The following MT1F variants were observed in gnomAD, a reference collection of about 807,000 sequenced individuals.
The protein encoded by MT1F is metallothionein 1F, also known as metallothionein-1F.
A neutral mutation model predicts 5.4 loss-of-function variants in MT1F; 6 were observed. That is an observed-to-expected ratio of 1.11 (90% confidence interval 0.61 to 2.19). MT1F has a LOEUF of 2.19. Ranked by LOEUF, MT1F falls within the 30% of genes most tolerant of loss-of-function variation. The pLI, the probability that MT1F is intolerant of heterozygous loss-of-function variation, is 0.00. For synonymous variants in MT1F, 28 were observed against 28.3 expected, an observed-to-expected ratio of 0.99 and a Z score of 0.04; for missense variants, 82 against 77.0, an observed-to-expected ratio of 1.07 and a Z score of -0.24.
rs1456048564 is a variant in MT1F, at chr16:56,659,280, G to A, written c.*116G>A. 2.0e-6 allele frequency: 2 copies of A among 985,046 alleles called. No individual in the cohort carries two copies. Among genetic ancestry groups the A allele is most frequent in the Admixed American group, 2.3e-5 (1 of 43,160 alleles). The allele number at this position is 985,046 out of a possible 1,614,324, so 61.0% of individuals were successfully genotyped here. A position where few individuals can be genotyped will look rare whatever the true frequency, so the allele number is the denominator to read the frequency against. ...TCCTTTTCCTGTGAAATATGTGAGT[G>A]ATAATTAAACACTTTAGACCTGATT... On this transcript the variant is annotated 3_prime_UTR_variant, in exon 3 of 3. Transcript: ENST00000334350.
At position 56,659,068 on chromosome 16, in the gene MT1F, C is replaced by A; in HGVS notation, c.95-5C>A. Reference sequence around the variant, plus strand: ...GTGACCTCTCATGCTCCTCTTCTTCCCCAGGCTGCTGCTCCTGCTGCCCCG... The same window carrying A: ...GTGACCTCTCATGCTCCTCTTCTTCACCAGGCTGCTGCTCCTGCTGCCCCG... On this transcript the variant is annotated splice_polypyrimidine_tract_variant and splice_region_variant and intron_variant, in intron 2 of 2. Coordinates refer to ENST00000334350, the MANE Select transcript of MT1F (RefSeq NM_005949.4). 1 of 1,613,398 alleles carries A rather than the reference C, an allele frequency of 6.2e-7. No homozygotes were observed. Among genetic ancestry groups the A allele is most frequent in the Non-Finnish European group, 8.5e-7 (1 of 1,179,804 alleles).
In MT1F at chr16:56,659,032, G is replaced by A. The variant is rs779007499; in HGVS notation, c.95-41G>A. 3 of 1,573,528 alleles carry A rather than the reference G, an allele frequency of 1.9e-6. No individual in the cohort carries two copies. In the South Asian group the frequency reaches 3.3e-5, roughly 17 times the overall value. On this transcript the variant is annotated intron_variant, in intron 2 of 2. Transcript: ENST00000334350. ...CTCTGTTGGGGAGGGAGGTCCCTGG[G>A]CAAGTTGGCTGTGACCTCTCATGCT...
Position 56,658,028 on chromosome 16 carries a change from CTT to C in MT1F, c.-30_-29del. On this transcript the variant is annotated 5_prime_UTR_variant, in exon 1 of 3. Transcript: ENST00000334350. The stretch of plus-strand genomic sequence containing the variant: ...TGCCCCACTGCTTCTTCGCTTCTCT[CTT>C]GGAAAGTCCAGTCTCTCCTCGGCTT... 1 of 1,613,356 alleles carries C rather than the reference CTT, an allele frequency of 6.2e-7. No homozygotes were observed. Among genetic ancestry groups the C allele is most frequent in the Non-Finnish European group, 8.5e-7 (1 of 1,179,484 alleles).
rs1960643027 is a variant in MT1F at position 56,658,051 on chromosome 16, G to A, written c.-8G>A. 6.2e-7 allele frequency: 1 copy of A among 1,614,080 alleles called. No homozygotes were observed. The highest frequency in any genetic ancestry group is 8.5e-7 in the Non-Finnish European group (1 of 1,179,964). On this transcript the variant is annotated 5_prime_UTR_variant, in exon 1 of 3. Transcript: ENST00000334350. ...CTCTTGGAAAGTCCAGTCTCTCCTC[G>A]GCTTGCAATGGACCCCAACTGCTCC...
rs753466947 is a variant in MT1F, at chr16:56,658,109, C to T, written c.28+23C>T. 4 of 1,613,714 alleles carry T rather than the reference C, an allele frequency of 2.5e-6. No individual in the cohort carries two copies. The African/African-American group carries it at 4.0e-5, about 16-fold the overall frequency. ...CTGGTAAGGAACGCCGGGTTCCGTG[C>T]CTGGGGATGCTCGATTCCCAGACAC... On this transcript the variant is annotated intron_variant, in intron 1 of 2. Transcript: ENST00000334350.
chr16:56,659,033 C>A, intron 2 of MT1F, 40 bp from the exon 3 acceptor site: 1 of 1,573,850 alleles, frequency 6.4e-7, no homozygotes, highest in Non-Finnish European at 8.7e-7. Flanking sequence ...GGTCCCTGGG[C>A]AAGTTGGCTG....
rs771218058 is a variant in MT1F at position 56,659,058 on chromosome 16, C to T, written c.95-15C>T. ...CAAGTTGGCTGTGACCTCTCATGCT[C>T]CTCTTCTTCCCCAGGCTGCTGCTCC... On this transcript the variant is annotated splice_polypyrimidine_tract_variant and intron_variant, in intron 2 of 2. Coordinates refer to ENST00000334350, the MANE Select transcript of MT1F (RefSeq NM_005949.4). The T allele has an allele frequency of 6.2e-7, 1 of 1,612,528 alleles. No individual in the cohort carries two copies. Among genetic ancestry groups the T allele is most frequent in the Non-Finnish European group, 8.5e-7 (1 of 1,179,240 alleles).
intron 1 of MT1F, chr16:56,658,357 C>T: frequency 1.7e-6 from 1 of 584,816 alleles, no homozygotes; most frequent in Admixed American, 3.1e-5. Flanking sequence ...GTGCTCTGAC[C>T]AGGCTTTGAG....
Position 56,657,967 on chromosome 16 carries a change from A to G in MT1F, c.-92A>G, listed in dbSNP as rs1043597747. ...GGCCCCCTCCCCTGACTATCAAAGC[A>G]GCGGCCGGCTGTTGGGGTCCACCAC... On this transcript the variant is annotated 5_prime_UTR_variant, in exon 1 of 3. Coordinates refer to ENST00000334350, the MANE Select transcript of MT1F (RefSeq NM_005949.4). 1.1e-4 allele frequency: 155 copies of G among 1,362,366 alleles called. No homozygotes were observed. Among genetic ancestry groups the G allele is most frequent in the Non-Finnish European group, 1.5e-4 (144 of 967,836 alleles). 84.4% of individuals were successfully genotyped at this position (1,362,366 alleles called of 1,614,324 possible). A position where few individuals can be genotyped will look rare whatever the true frequency, so the allele number is the denominator to read the frequency against.
intron 1 of MT1F, 27 bp downstream of exon 1, chr16:56,658,113 G>A (rs557328335): frequency 1.9e-6 from 3 of 1,613,782 alleles, no homozygotes; most frequent in South Asian, 2.2e-5. Flanking sequence ...TCCGTGCCTG[G>A]GGATGCTCGA....
intron 1 of MT1F, chr16:56,658,317 G>C (rs1960646559): frequency 1.7e-6 from 1 of 602,094 alleles, no homozygotes; most frequent in African/African-American, 1.9e-5. Context: ...ACGTCATGCG[G>C]TTTGTCCCAG....
intron 1 of MT1F, chr16:56,658,359 G>A: frequency 1.7e-6 from 1 of 587,284 alleles, no homozygotes; most frequent in Non-Finnish European, 3.0e-6. Flanking sequence ...GCTCTGACCA[G>A]GCTTTGAGCA....
At chr16:56,658,177 T>C (rs1335825971) in intron 1 of MT1F, 91 bp downstream of exon 1, 2 of 1,465,128 alleles carry the variant, frequency 1.4e-6, no homozygotes, top group Non-Finnish European at 1.9e-6. Flanking sequence ...TATTTTGAGA[T>C]CTCAACTGTA....
chr16:56,659,184 C>G lies in MT1F; in HGVS notation c.*20C>G. The G allele has an allele frequency of 1.2e-6, 2 of 1,613,276 alleles. No individual in the cohort carries two copies. The highest frequency in any genetic ancestry group is 1.7e-6 in the Non-Finnish European group (2 of 1,179,388). On this transcript the variant is annotated 3_prime_UTR_variant, in exon 3 of 3. Coordinates refer to ENST00000334350, the MANE Select transcript of MT1F (RefSeq NM_005949.4). Reference sequence around the variant, plus strand: ...GACTGATGCCAGGACAACCTTTCTCCCAGATGTAAACAGAGAGACATGTAC... The same window carrying G: ...GACTGATGCCAGGACAACCTTTCTCGCAGATGTAAACAGAGAGACATGTAC...
rs370819028 is a variant in MT1F, at chr16:56,659,218, A to T, written c.*54A>T. 126 of 1,485,710 alleles carry T rather than the reference A, an allele frequency of 8.5e-5. 1 individual carries two copies. The highest frequency in any genetic ancestry group is 6.6e-4 in the East Asian group (27 of 40,736). The allele number at this position is 1,485,710 out of a possible 1,614,324, so 92.0% of individuals were successfully genotyped here. On this transcript the variant is annotated 3_prime_UTR_variant, in exon 3 of 3. Transcript: ENST00000334350. The stretch of plus-strand genomic sequence containing the variant: ...AACAGAGAGACATGTACAAACCTGG[A>T]TTTTTTTTTTATACCACCTTGACCC...
In MT1F at chr16:56,658,098, C is replaced by G. The variant is rs752055988; in HGVS notation, c.28+12C>G. On this transcript the variant is annotated intron_variant, in intron 1 of 2. Transcript: ENST00000334350. Reference sequence around the variant, plus strand: ...CTCCTGCGCCGCTGGTAAGGAACGCCGGGTTCCGTGCCTGGGGATGCTCGA... The same window carrying G: ...CTCCTGCGCCGCTGGTAAGGAACGCGGGGTTCCGTGCCTGGGGATGCTCGA... 11 of 1,613,990 alleles carry G rather than the reference C, an allele frequency of 6.8e-6. No homozygotes were observed. The highest frequency in any genetic ancestry group is 9.3e-6 in the Non-Finnish European group (11 of 1,179,898).
chr16:56,658,447 C>T, intron 1 of MT1F: 1 of 604,572 alleles, frequency 1.7e-6, no homozygotes, highest in Non-Finnish European at 2.9e-6. Context: ...TCTTCCCAGG[C>T]TGTGCCTGGA....
At position 56,659,079 on chromosome 16, in the gene MT1F, G is replaced by A; in HGVS notation, c.101G>A (p.Cys34Tyr). 1 of 1,613,698 alleles carries A rather than the reference G, an allele frequency of 6.2e-7. No homozygotes were observed. Among genetic ancestry groups the A allele is most frequent in the Non-Finnish European group, 8.5e-7 (1 of 1,179,950 alleles). The stretch of plus-strand genomic sequence containing the variant: ...TGCTCCTCTTCTTCCCCAGGCTGCT[G>A]CTCCTGCTGCCCCGTGGGCTGTAGC... Reference protein sequence around the residue: ...CKCTSCKKSCCSCCPVGCSKC... With the variant: ...CKCTSCKKSCYSCCPVGCSKC... Residue 34 changes from cysteine to tyrosine, a missense_variant, in exon 3 of 3, where the codon TGC becomes TAC. Cys to Tyr is a radical substitution (Grantham distance 194). Coordinates refer to ENST00000334350, the MANE Select transcript of MT1F (RefSeq NM_005949.4).
chr16:56,659,200 A>G lies in MT1F; in HGVS notation c.*36A>G, dbSNP rs1282493180. On this transcript the variant is annotated 3_prime_UTR_variant, in exon 3 of 3. Coordinates refer to ENST00000334350, the MANE Select transcript of MT1F (RefSeq NM_005949.4). ...ACCTTTCTCCCAGATGTAAACAGAGAGACATGTACAAACCTGGATTTTTTT... is the reference window on the plus strand; with the variant it reads ...ACCTTTCTCCCAGATGTAAACAGAGGGACATGTACAAACCTGGATTTTTTT... 1.2e-6 allele frequency: 2 copies of G among 1,606,672 alleles called. No homozygotes were observed. The highest frequency in any genetic ancestry group is 4.5e-5 in the East Asian group (2 of 44,824).
Sources: allele counts gnomAD v4.1 joint callset, GRCh38; gene constraint gnomAD v4.1.1; transcripts MANE v1.5; gene names NCBI Gene and HGNC (gene_info 2026-07-23, HGNC 2026-07-21).